PTPRN2: variants seen among roughly 807,000 people sequenced by gnomAD.
PTPRN2 encodes receptor-type tyrosine-protein phosphatase N2.
PTPRN2 carries 74 observed loss-of-function variants against 118.8 expected under a neutral mutation model. The ratio of observed to expected loss-of-function variants is 0.62; its 90% confidence interval spans 0.52 to 0.76. The LOEUF is 0.76. Among genes scored for constraint, PTPRN2 ranks in the 30% least tolerant of loss-of-function variants. The probability of loss-of-function intolerance (pLI) is 0.00; values close to 1 mark genes in which losing one functional copy is unlikely to be tolerated. For missense variants in PTPRN2, 1,481 were observed against 1,394.4 expected (o/e 1.06, Z -0.99); for synonymous variants, 641 against 608.0 (o/e 1.05, Z -0.80).
intron 12 of PTPRN2, among the ~76,000 whole-genome samples, chr7:157,744,170 G>A (rs906415226): frequency 3.3e-5 from 5 of 152,220 alleles, no homozygotes; most frequent in African/African-American, 1.2e-4. Context: ...CAAGACCATG[G>A]AGGAATCAGA....
At chr7:157,734,728 T>A (rs1800199145) in intron 12 of PTPRN2, among the ~76,000 whole-genome samples, 1 of 152,208 alleles carries the variant, frequency 6.6e-6, no homozygotes, top group Admixed American at 6.5e-5. Context: ...GGCTTCGAAA[T>A]GATAACACAA....
intron 9 of PTPRN2, among the ~76,000 whole-genome samples, chr7:158,130,424 A>T (rs956421979): frequency 8.4e-5 from 12 of 143,122 alleles, no homozygotes; most frequent in African/African-American, 1.4e-4. Flanking sequence ...ATACACACTC[A>T]CACACACACG....
At chr7:158,556,563 A>G (rs1430228385) in intron 1 of PTPRN2, among the ~76,000 whole-genome samples, 1 of 152,212 alleles carries the variant, frequency 6.6e-6, no homozygotes, top group Non-Finnish European at 1.5e-5. Context: ...AAAAAAAAAA[A>G]AAAAGATAGA....
chr7:157,901,093 A>G (rs1453019533), intron 11 of PTPRN2, among the ~76,000 whole-genome samples: 1 of 152,220 alleles, frequency 6.6e-6, no homozygotes, highest in Non-Finnish European at 1.5e-5. Context: ...TGCAGAGCTC[A>G]CATGGGGAGA....
intron 1 of PTPRN2, among the ~76,000 whole-genome samples, chr7:158,587,226 C>T (rs1334381329): frequency 1.5e-5 from 2 of 134,078 alleles, no homozygotes; most frequent in African/African-American, 2.8e-5. Context: ...CCCCACGCCC[C>T]GCATTCATTG....
chr7:157,594,783 CT>C (rs1381971731), intron 17 of PTPRN2, among the ~76,000 whole-genome samples: 2 of 152,192 alleles, frequency 1.3e-5, no homozygotes, highest in Admixed American at 1.3e-4. Flanking sequence ...ACGTCTGTGC[CT>C]TCATCTGTGT....
At position 158,065,035 on chromosome 7, in the gene PTPRN2, C is replaced by T. The variant is rs886576956; in HGVS notation, c.1723+16263G>A. 5.9e-5 allele frequency among the ~76,000 whole-genome samples: 9 copies of T among 152,340 alleles called. No individual in the cohort carries two copies. In the East Asian group the frequency reaches 1.2e-3, roughly 20 times the overall value. On this transcript the variant is annotated intron_variant, in intron 11 of 22. Transcript: ENST00000389418. ...GAAGAAAGGCAGAAAGATGGTGCTG[C>T]GCATCTGGTAATTGACTGTAATCTG...
chr7:158,226,787 G>T (rs1405835664), intron 3 of PTPRN2, among the ~76,000 whole-genome samples: 1 of 151,070 alleles, frequency 6.6e-6, no homozygotes, highest in South Asian at 2.1e-4. Context: ...AGCCTCTCAC[G>T]TATCACTGTG....
chr7:158,078,585 G>GTCC (rs1316022994), intron 11 of PTPRN2, among the ~76,000 whole-genome samples: 1 of 152,260 alleles, frequency 6.6e-6, no homozygotes, highest in Non-Finnish European at 1.5e-5. Context: ...CTGAAACTCA[G>GTCC]TAAGAGGCTC....
chr7:158,204,028 G>A (rs1258438475), intron 4 of PTPRN2, among the ~76,000 whole-genome samples: 1 of 151,024 alleles, frequency 6.6e-6, no homozygotes, highest in Non-Finnish European at 1.5e-5. Context: ...TGCCCTCAGC[G>A]TGAGCCGCGT....
Position 158,274,483 on chromosome 7 carries a change from A to AGGAGCCGCAGGCACAGGG in PTPRN2, c.277+42318_277+42335dup, listed in dbSNP as rs1192799213. ...CCGCAGACACAGGAGGAGACACACG[A>AGGAGCCGCAGGCACAGGG]GGAGCCGCAGGCACAGGGGGAGCCA... is the stretch of plus-strand genomic sequence containing the variant. On this transcript the variant is annotated intron_variant, in intron 3 of 22. Coordinates refer to ENST00000389418, the MANE Select transcript of PTPRN2 (RefSeq NM_002847.5). 5.2e-3 allele frequency among the ~76,000 whole-genome samples: 594 copies of AGGAGCCGCAGGCACAGGG among 114,540 alleles called. 6 individuals carry two copies. Among genetic ancestry groups the AGGAGCCGCAGGCACAGGG allele is most frequent in the African/African-American group, 0.017 (563 of 32,982 alleles). 75.1% of individuals were successfully genotyped at this position (114,540 alleles called of 152,430 possible). A position where few individuals can be genotyped will look rare whatever the true frequency, so the allele number is the denominator to read the frequency against.
At chr7:157,892,552 G>A (rs1022490900) in intron 12 of PTPRN2, among the ~76,000 whole-genome samples, 2 of 152,036 alleles carry the variant, frequency 1.3e-5, no homozygotes, top group African/African-American at 2.4e-5. Context: ...TGCATTAAAC[G>A]CAAGCGCAGG....
At chr7:158,433,250 G>T (rs559634438) in intron 2 of PTPRN2, among the ~76,000 whole-genome samples, 1 of 152,182 alleles carries the variant, frequency 6.6e-6, no homozygotes, top group Non-Finnish European at 1.5e-5. Context: ...AAGCTGCTGG[G>T]AACATTCTTA....
chr7:158,354,801 G>A (rs1022827419), intron 2 of PTPRN2, among the ~76,000 whole-genome samples: 1 of 152,116 alleles, frequency 6.6e-6, no homozygotes, highest in Non-Finnish European at 1.5e-5. Flanking sequence ...ACTTGAGAAA[G>A]GTATAGATAA....
At chr7:158,405,790 A>T (rs550643717) in intron 2 of PTPRN2, among the ~76,000 whole-genome samples, 1 of 152,310 alleles carries the variant, frequency 6.6e-6, no homozygotes, top group Non-Finnish European at 1.5e-5. Flanking sequence ...TTATCCATGC[A>T]TGTGGCCGCA....
intron 1 of PTPRN2, chr7:158,541,720 T>C: frequency 1.6e-6 from 2 of 1,228,356 alleles, no homozygotes; most frequent in South Asian, 2.9e-5. Context: ...ATTAAAACAC[T>C]TGCTTAAAGC....
At chr7:158,586,638 G>A (rs1338382716) in intron 1 of PTPRN2, among the ~76,000 whole-genome samples, 1 of 152,178 alleles carries the variant, frequency 6.6e-6, no homozygotes, top group Non-Finnish European at 1.5e-5. Flanking sequence ...AAACAGGGGC[G>A]TCCGCCTGGG....
intron 1 of PTPRN2, among the ~76,000 whole-genome samples, chr7:158,587,221 C>A (rs1431699847): frequency 1.5e-5 from 2 of 131,758 alleles, no homozygotes; most frequent in African/African-American, 5.8e-5. Flanking sequence ...CCTTCCCCCA[C>A]GCCCCGCATT....
rs188078990 is a variant in PTPRN2, at chr7:158,382,852, A to G, written c.164-65920T>C. Among the ~76,000 whole-genome samples, 182 of 152,318 alleles carry G rather than the reference A, an allele frequency of 1.2e-3. 3 individuals carry two copies. The highest frequency in any genetic ancestry group is 3.5e-3 in the South Asian group (17 of 4,820). Reference sequence around the variant, plus strand: ...ATCAATCAATTGCTTGCAGACACATATGAAAACCCTATCAGTGGGCTTTAG... The same window carrying G: ...ATCAATCAATTGCTTGCAGACACATGTGAAAACCCTATCAGTGGGCTTTAG... On this transcript the variant is annotated intron_variant, in intron 2 of 22. Transcript: ENST00000389418.
Sources: gnomAD v4.1 joint callset for allele counts (sites outside exome capture counted in the v4.1 genomes callset) on GRCh38, gnomAD v4.1.1 for gene constraint, MANE v1.5 for transcripts, NCBI Gene and HGNC (gene_info 2026-07-23, HGNC 2026-07-21) for gene names.